DDHD2: variants seen among roughly 807,000 people sequenced by gnomAD.
DDHD2 encodes triacylglycerol hydrolase DDHD2.
Under a neutral mutation model 91.2 loss-of-function variants are expected in DDHD2, and 62 were observed. The ratio of observed to expected loss-of-function variants is 0.68; its 90% CI spans 0.55 to 0.84. DDHD2 has a LOEUF of 0.84. Among genes scored for constraint, DDHD2 ranks in the 40% least tolerant of loss-of-function variants. DDHD2 has a pLI of 0.00. For synonymous variants in DDHD2, 271 were observed against 293.9 expected, an observed-to-expected ratio of 0.92 and a Z score of 0.80; for missense variants, 740 against 846.9, an observed-to-expected ratio of 0.87 and a Z score of 1.57.
Position 38,253,057 on chromosome 8 carries a change from T to G in DDHD2, c.1821T>G (p.Pro607=). The change falls in exon 15 of 18, where the codon CCT becomes CCG. Residue 607 remains proline, a synonymous_variant. Coordinates refer to ENST00000397166, the MANE Select transcript of DDHD2 (RefSeq NM_015214.3). ...AWKSFTRAPY[P]ALQASETPEE... ...AGTCTTTTACCAGAGCTCCATACCC[T>G]GCCTTACAAGCTTCAGAAACACCAG... is the stretch of plus-strand genomic sequence containing the variant. The G allele has an allele frequency of 6.2e-7, 1 of 1,614,206 alleles. No homozygotes were observed. The highest frequency in any genetic ancestry group is 1.1e-5 in the South Asian group (1 of 91,090).
rs1206745672 is a variant in DDHD2 at position 38,247,847 on chromosome 8, CT to C, written c.1248+16del. On this transcript the variant is annotated intron_variant, in intron 10 of 17. Coordinates refer to ENST00000397166, the MANE Select transcript of DDHD2 (RefSeq NM_015214.3). ...ATAAGGAAGCTCTGGTAAAAATAAT[CT>C]TTTAAAACTTTATGCCAAGCCATTT... 4 of 1,545,514 alleles carry C rather than the reference CT, an allele frequency of 2.6e-6. No individual in the cohort carries two copies. The highest frequency in any genetic ancestry group is 2.8e-5 in the African/African-American group (2 of 70,998).
chr8:38,264,606 T>G (rs1236945718), downstream of DDHD2: 1 of 1,588,116 alleles, frequency 6.3e-7, no homozygotes, highest in Non-Finnish European at 8.6e-7. Context: ...CTAGTACATC[T>G]GAAGAGAGTG....
At chr8:38,246,737 G>C (rs559656755) in intron 9 of DDHD2, 1 of 169,172 alleles carries the variant, frequency 5.9e-6, no homozygotes, top group Non-Finnish European at 1.2e-5. Context: ...AGCTACTTGG[G>C]AGGCTGAGGC....
intron 5 of DDHD2, among the ~76,000 whole-genome samples, chr8:38,239,967 C>T (rs1805121313): frequency 6.6e-6 from 1 of 151,794 alleles, no homozygotes; most frequent in African/African-American, 2.4e-5. Flanking sequence ...TCATGATCTA[C>T]CTGCCTTGGC....
At chr8:38,234,611 A>ATTCT (rs757206544) in intron 3 of DDHD2, 27 bp downstream of exon 3, 1 of 1,523,296 alleles carries the variant, frequency 6.6e-7, no homozygotes, top group African/African-American at 1.4e-5. Flanking sequence ...TTTTTTACTT[A>ATTCT]TTCTTTCTTT....
At chr8:38,242,904 A>G (rs920007068) in intron 7 of DDHD2, among the ~76,000 whole-genome samples, 6 of 152,196 alleles carry the variant, frequency 3.9e-5, no homozygotes, top group Non-Finnish European at 5.9e-5. Context: ...TTTTATGGTA[A>G]TGACAGAGAA....
chr8:38,238,266 T>C, intron 5 of DDHD2, 57 bp downstream of exon 5: 1 of 1,605,200 alleles, frequency 6.2e-7, no homozygotes, highest in Non-Finnish European at 8.5e-7. Flanking sequence ...ACTCCTTAAA[T>C]TGTGACCTTT....
At chr8:38,273,204 G>C (rs1340190572), downstream of DDHD2, 1 of 152,124 alleles carries the variant, frequency 6.6e-6, no homozygotes, top group African/African-American at 2.4e-5. Flanking sequence ...CACCATGTTG[G>C]TCAGGCTGGT....
intron 1 of DDHD2, among the ~76,000 whole-genome samples, chr8:38,232,454 T>C (rs905214999): frequency 1.4e-4 from 21 of 152,284 alleles, no homozygotes; most frequent in Non-Finnish European, 2.9e-4. Context: ...TCCCAATTTG[T>C]ACCACCACCC....
chr8:38,238,160 A>G lies in DDHD2; in HGVS notation c.573A>G (p.Pro191=). ...CAACACCCACGGAGCAGGGTCGACC[A>G]AGAACTGTGAAGAGAGGAGTTGAGA... The part of the protein sequence containing the change: ...WGSTPTEQGR[P]RTVKRGVENI... The change falls in exon 5 of 18, where the codon CCA becomes CCG. Residue 191 remains proline, a synonymous_variant. Transcript: ENST00000397166. 1 of 1,614,148 alleles carries G rather than the reference A, an allele frequency of 6.2e-7. No homozygotes were observed. Among genetic ancestry groups the G allele is most frequent in the African/African-American group, 1.3e-5 (1 of 75,064 alleles).
downstream of DDHD2, chr8:38,267,269 G>C (rs759611213): frequency 3.3e-5 from 53 of 1,613,828 alleles, no homozygotes; most frequent in African/African-American, 6.8e-4. Flanking sequence ...ATTCATACAG[G>C]AAGAATGTCC....
chr8:38,245,307 C>T (rs1040378999), intron 7 of DDHD2, among the ~76,000 whole-genome samples: 2 of 151,954 alleles, frequency 1.3e-5, no homozygotes, highest in Non-Finnish European at 2.9e-5. Flanking sequence ...TGGCACATGC[C>T]TGCAATTCCA....
downstream of DDHD2, chr8:38,263,578 A>G (rs1807203298): frequency 1.0e-6 from 1 of 985,400 alleles, no homozygotes; most frequent in Non-Finnish European, 1.2e-6. Context: ...TTCAAAATGC[A>G]CAGCAGTACC....
chr8:38,246,293 G>A lies in DDHD2; in HGVS notation c.1118G>A (p.Ser373Asn). 1 of 1,606,254 alleles carries A rather than the reference G, an allele frequency of 6.2e-7. No individual in the cohort carries two copies. The highest frequency in any genetic ancestry group is 8.5e-7 in the Non-Finnish European group (1 of 1,173,886). Residue 373 changes from serine (S) to asparagine (N), a missense_variant, in exon 9 of 18, where the codon AGT becomes AAT. This residue lies in a region of DDHD2 where 693 missense variants were observed against 764.2 expected (regional missense o/e 0.91). Transcript: ENST00000397166. ...NQKDSLGDID[S>N]EKDSLNIVMD... The stretch of plus-strand genomic sequence containing the variant: ...AAAGATTCTTTGGGGGATATTGACA[G>A]TGAAAAGGTAATTTAGATGTTCAGC...
chr8:38,245,537 G>A (rs1805562639), intron 7 of DDHD2, among the ~76,000 whole-genome samples: 1 of 152,090 alleles, frequency 6.6e-6, no homozygotes, highest in African/African-American at 2.4e-5. Context: ...GAAGAAATGG[G>A]TTTGACTTGA....
downstream of DDHD2, chr8:38,266,237 C>A (rs777501052): frequency 6.2e-7 from 1 of 1,613,784 alleles, no homozygotes; most frequent in South Asian, 1.1e-5. Flanking sequence ...CAAGATTTCC[C>A]ACGGCCTTGT....
intron 16 of DDHD2, 116 bp downstream of exon 16, chr8:38,253,834 C>G (rs1016321540): frequency 4.2e-5 from 44 of 1,037,318 alleles, no homozygotes; most frequent in Non-Finnish European, 5.9e-5. Flanking sequence ...AATCTCAGCA[C>G]TTTGGGAGGC....
At position 38,243,898 on chromosome 8, in the gene DDHD2, G is replaced by A. The variant is rs112109565; in HGVS notation, c.848+1513G>A. ...CAGCTCACCGCAACCTCCGACTCCC[G>A]GGTTCAAGCAGTTCCCAGTCTTGGC... On this transcript the variant is annotated intron_variant, in intron 7 of 17. Coordinates refer to ENST00000397166, the MANE Select transcript of DDHD2 (RefSeq NM_015214.3). Among the ~76,000 whole-genome samples the A allele has an allele frequency of 5.4e-3, 812 of 151,110 alleles. 5 individuals are homozygous for A. Among genetic ancestry groups the A allele is most frequent in the African/African-American group, 0.018 (723 of 41,108 alleles).
At position 38,247,781 on chromosome 8, in the gene DDHD2, G is replaced by T; in HGVS notation, c.1194G>T (p.Gln398His). ...TAGAGGAAGATTTGAAGAAACTTCAGCTCTCTGAATTCTTTGATATCTTTG... is the reference window on the plus strand; with the variant it reads ...TAGAGGAAGATTTGAAGAAACTTCATCTCTCTGAATTCTTTGATATCTTTG... ...PTLEEDLKKLQLSEFFDIFEK... is the reference protein window; with the variant it reads ...PTLEEDLKKLHLSEFFDIFEK... Residue 398 changes from glutamine (Q) to histidine (H), a missense_variant, in exon 10 of 18, where the codon CAG (glutamine) becomes CAT (histidine). By Grantham distance (24) the Gln-to-His change is conservative. Coordinates refer to ENST00000397166, the MANE Select transcript of DDHD2 (RefSeq NM_015214.3). The T allele has an allele frequency of 1.9e-6, 3 of 1,585,930 alleles. No homozygotes were observed. The highest frequency in any genetic ancestry group is 2.6e-6 in the Non-Finnish European group (3 of 1,165,160).
Sources: allele counts gnomAD v4.1 joint callset (sites outside exome capture counted in the v4.1 genomes callset), GRCh38; gene constraint gnomAD v4.1.1; regional missense constraint gnomAD v4.1.1; transcripts MANE v1.5; gene names NCBI Gene and HGNC (gene_info 2026-07-23, HGNC 2026-07-21).